Variants in POU6F2 observed in about 807,000 individuals in gnomAD.
POU6F2 encodes the protein POU class 6 homeobox 2, also known as POU domain, class 6, transcription factor 2.
Under a neutral mutation model 71.3 loss-of-function variants are expected in POU6F2, and 31 were observed. The observed-to-expected ratio is 0.43, with a 90% CI of 0.33 to 0.59. POU6F2 has a LOEUF of 0.59. Among genes scored for constraint, POU6F2 ranks in the 20% least tolerant of loss-of-function variants. The pLI is 0.04. For synonymous variants in POU6F2, 347 were observed against 355.7 expected (o/e 0.98, Z 0.27); for missense variants, 783 against 856.8 (o/e 0.91, Z 1.07).
chr7:39,418,702 A>G (rs1437168628), intron 6 of POU6F2, among the ~76,000 whole-genome samples: 1 of 150,884 alleles, frequency 6.6e-6, no homozygotes, highest in African/African-American at 2.4e-5. Flanking sequence ...AAAAAAAAAA[A>G]GAAAAAGAAA....
intron 5 of POU6F2, among the ~76,000 whole-genome samples, chr7:39,373,235 T>C (rs1329464653): frequency 6.6e-6 from 1 of 152,072 alleles, no homozygotes; most frequent in African/African-American, 2.4e-5. Context: ...AGCAGTGACG[T>C]TGATGACAGA....
At chr7:39,383,067 G>A (rs1408661016) in intron 5 of POU6F2, among the ~76,000 whole-genome samples, 1 of 152,122 alleles carries the variant, frequency 6.6e-6, no homozygotes, top group Non-Finnish European at 1.5e-5. Flanking sequence ...ATTAATATGC[G>A]CATTGCCAAG....
intron 5 of POU6F2, among the ~76,000 whole-genome samples, chr7:39,392,329 G>A (rs770398059): frequency 1.4e-4 from 22 of 152,224 alleles, no homozygotes; most frequent in Non-Finnish European, 3.1e-4. Context: ...GAGTCAGCAG[G>A]TCTAGGGTAG....
chr7:39,456,464 A>G (rs1266827428), intron 8 of POU6F2, among the ~76,000 whole-genome samples: 1 of 152,250 alleles, frequency 6.6e-6, no homozygotes, highest in Admixed American at 6.5e-5. Flanking sequence ...AGTTTAAGAC[A>G]GAAACTTTGG....
chr7:39,408,308 C>CA (rs1222423216), intron 6 of POU6F2, among the ~76,000 whole-genome samples: 1 of 152,110 alleles, frequency 6.6e-6, no homozygotes, highest in African/African-American at 2.4e-5. Flanking sequence ...AAGTAAAATA[C>CA]ACTGATATGC....
At chr7:39,276,197 A>C (rs1027467274) in intron 4 of POU6F2, among the ~76,000 whole-genome samples, 3 of 151,006 alleles carry the variant, frequency 2.0e-5, no homozygotes, top group Admixed American at 1.3e-4. Flanking sequence ...ACTCAAACAA[A>C]TTTACAAGAA....
Position 39,113,618 on chromosome 7 carries a change from T to A in POU6F2, c.277+27587T>A, listed in dbSNP as rs1791868401. On this transcript the variant is annotated intron_variant, in intron 2 of 9. Transcript: ENST00000518318. ...GAAACAATCTGGAAATTTGAAGAAG[T>A]CGTTGTGATATTATTACATCTCTCT... is the stretch of plus-strand genomic sequence containing the variant. Among the ~76,000 whole-genome samples the A allele has an allele frequency of 5.9e-5, 9 of 152,132 alleles. No homozygotes were observed. In the South Asian group the frequency reaches 1.9e-3, roughly 32 times the overall value.
intron 7 of POU6F2, among the ~76,000 whole-genome samples, chr7:39,435,852 C>T (rs1788228213): frequency 6.6e-6 from 1 of 152,178 alleles, no homozygotes; most frequent in African/African-American, 2.4e-5. Context: ...TATGGCTAGC[C>T]ACTTTTCCCA....
intron 2 of POU6F2, among the ~76,000 whole-genome samples, chr7:39,183,069 A>G (rs1165308519): frequency 1.3e-5 from 2 of 152,188 alleles, no homozygotes; most frequent in Non-Finnish European, 2.9e-5. Context: ...AGAGGCAGGC[A>G]AGTGAGCATT....
In POU6F2 at chr7:39,101,130, A is replaced by G. The variant is rs535987556; in HGVS notation, c.277+15099A>G. 2.7e-5 allele frequency among the ~76,000 whole-genome samples: 4 copies of G among 148,236 alleles called. No homozygotes were observed. In the South Asian group the frequency reaches 8.5e-4, roughly 31 times the overall value. ...CTCCTGTCACCCAGGCTGGAGTGCAATGGCGCAACCTTGGTTCACTGCAGC... is the reference window on the plus strand; with the variant it reads ...CTCCTGTCACCCAGGCTGGAGTGCAGTGGCGCAACCTTGGTTCACTGCAGC... On this transcript the variant is annotated intron_variant, in intron 2 of 9. Coordinates refer to ENST00000518318, the MANE Select transcript of POU6F2 (RefSeq NM_001370959.1).
At chr7:39,269,687 G>GCA (rs1784309727) in intron 4 of POU6F2, among the ~76,000 whole-genome samples, 1 of 152,182 alleles carries the variant, frequency 6.6e-6, no homozygotes, top group South Asian at 2.1e-4. Flanking sequence ...TCCTCTGCAA[G>GCA]CACCCCCTGA....
chr7:39,248,849 C>T (rs1395590246), intron 4 of POU6F2, among the ~76,000 whole-genome samples: 1 of 152,148 alleles, frequency 6.6e-6, no homozygotes, highest in Non-Finnish European at 1.5e-5. Context: ...CCCACTGAGC[C>T]GACTTTGCCC....
Position 39,406,728 on chromosome 7 carries a change from TG to T in POU6F2, c.1102del (p.Ala368HisfsTer11). ...QGVTGQLVTNAQGQIIGTIPL... is the reference protein window; with the variant it reads ...QGVTGQLVTNXQGQIIGTIPL... The stretch of plus-strand genomic sequence containing the variant: ...GGGTCACAGGTCAACTAGTTACTAA[TG>T]CACAAGGACAGGTGAGTGGGAGATG... On this transcript the variant is annotated frameshift_variant, in exon 6 of 10. Coordinates refer to ENST00000518318, the MANE Select transcript of POU6F2 (RefSeq NM_001370959.1). LOFTEE classifies it high-confidence loss of function. The T allele has an allele frequency of 1.9e-6, 3 of 1,613,570 alleles. No individual in the cohort carries two copies. The highest frequency in any genetic ancestry group is 2.5e-6 in the Non-Finnish European group (3 of 1,179,864).
rs1789047562 is a variant in POU6F2 at position 39,465,365 on chromosome 7, G to A, written c.*679G>A. The A allele has an allele frequency of 2.6e-5, 4 of 152,182 alleles. No individual in the cohort carries two copies. The highest frequency in any genetic ancestry group is 2.0e-4 in the Admixed American group (3 of 15,274). The allele number at this position is 152,182 out of a possible 1,614,324, so 9.4% of individuals were successfully genotyped here. On this transcript the variant is annotated 3_prime_UTR_variant, in exon 10 of 10. Transcript: ENST00000518318. The stretch of plus-strand genomic sequence containing the variant: ...TCTACTGTCTCCACCCATGGGGTGG[G>A]TACCATTGTTGAAGCCATTCTGTGA...
intron 1 of POU6F2, among the ~76,000 whole-genome samples, chr7:39,066,412 G>A (rs1399366811): frequency 6.6e-6 from 1 of 151,660 alleles, no homozygotes; most frequent in African/African-American, 2.4e-5. Flanking sequence ...GTGAAAAGGG[G>A]ACATCTATTT....
chr7:39,036,592 G>A (rs914630142), intron 1 of POU6F2, among the ~76,000 whole-genome samples: 1 of 151,314 alleles, frequency 6.6e-6, no homozygotes, highest in Non-Finnish European at 1.5e-5. Flanking sequence ...CAAGTTTTTA[G>A]TTATGATTCT....
rs555806902 is a variant in POU6F2 at position 39,406,369 on chromosome 7, C to T, written c.973-231C>T. ...CAGGCTCGTTCCCTCCTGGGCTAGC[C>T]CTAAACCCAGACTCCACCAAGCTCC... is the stretch of plus-strand genomic sequence containing the variant. On this transcript the variant is annotated intron_variant, in intron 5 of 9. Transcript: ENST00000518318. 1.0e-4 allele frequency: 55 copies of T among 544,140 alleles called. No individual in the cohort carries two copies. The South Asian group carries it at 1.1e-3, about 11-fold the overall frequency. 33.7% of individuals were successfully genotyped at this position (544,140 alleles called of 1,614,324 possible).
rs550552623 is a variant in POU6F2, at chr7:39,206,555, T to G, written c.370-837T>G. Among the ~76,000 whole-genome samples, 21 of 152,368 alleles carry G rather than the reference T, an allele frequency of 1.4e-4. No individual in the cohort carries two copies. The South Asian group carries it at 3.7e-3, about 27-fold the overall frequency. The stretch of plus-strand genomic sequence containing the variant: ...TCATTGTACATACATAATTCTACCA[T>G]TTTAACAATAATCATTCAAGTTTAC... On this transcript the variant is annotated intron_variant, in intron 3 of 9. Transcript: ENST00000518318.
intron 1 of POU6F2, among the ~76,000 whole-genome samples, chr7:38,979,382 G>A (rs182436654): frequency 5.9e-5 from 9 of 152,130 alleles, no homozygotes; most frequent in Non-Finnish European, 1.0e-4. Context: ...CAGCATGCTT[G>A]CTTCATAATG....
Sources: allele counts gnomAD v4.1 joint callset (sites outside exome capture counted in the v4.1 genomes callset), GRCh38; gene constraint gnomAD v4.1.1; transcripts MANE v1.5; gene names NCBI Gene and HGNC (gene_info 2026-07-23, HGNC 2026-07-21).